Variants in GPM6A observed in about 807,000 individuals in gnomAD.
The protein encoded by GPM6A is neuronal membrane glycoprotein M6-a.
In GPM6A, 7 loss-of-function variants were observed where a neutral mutation model predicts 32.1. The ratio of observed to expected loss-of-function variants is 0.22; its 90% CI spans 0.12 to 0.41. GPM6A has a LOEUF of 0.41. Among genes scored for constraint, GPM6A ranks in the 10% least tolerant of loss-of-function variants. The pLI is 1.00. For synonymous variants in GPM6A, 130 were observed against 123.4 expected (o/e 1.05, Z -0.35); for missense variants, 235 against 347.2 (o/e 0.68, Z 2.57).
intron 1 of GPM6A, among the ~76,000 whole-genome samples, chr4:175,850,511 G>T (rs1379217068): frequency 2.0e-5 from 3 of 152,056 alleles, no homozygotes; most frequent in African/African-American, 7.2e-5. Context: ...TTTTGGACTT[G>T]TTGGCTTTGA....
chr4:175,989,111 G>C (rs189362729), intron 1 of GPM6A, among the ~76,000 whole-genome samples: 6 of 151,940 alleles, frequency 3.9e-5, no homozygotes. Context: ...TCTGCACATA[G>C]CACCACATAT....
At chr4:175,774,855 C>T (rs1733329702) in intron 1 of GPM6A, among the ~76,000 whole-genome samples, 1 of 152,042 alleles carries the variant, frequency 6.6e-6, no homozygotes, top group South Asian at 2.1e-4. Flanking sequence ...TCTCTCAGTT[C>T]ATAATACTGA....
chr4:175,736,558 A>T (rs1731668947), intron 1 of GPM6A, among the ~76,000 whole-genome samples: 1 of 152,208 alleles, frequency 6.6e-6, no homozygotes, highest in Admixed American at 6.5e-5. Context: ...TCTCAATAAT[A>T]TTGGCTTTAC....
chr4:175,709,078 C>T (rs190469280), intron 1 of GPM6A, among the ~76,000 whole-genome samples: 9 of 152,062 alleles, frequency 5.9e-5, no homozygotes, highest in Admixed American at 3.3e-4. Context: ...TGTAAGCATA[C>T]GTAAACTTAA....
At chr4:175,953,084 CT>C (rs1331982047) in intron 1 of GPM6A, among the ~76,000 whole-genome samples, 2 of 150,772 alleles carry the variant, frequency 1.3e-5, no homozygotes, top group Non-Finnish European at 3.0e-5. Context: ...ATCCCCTTGC[CT>C]TAAAAGTTAA....
At chr4:176,002,353 G>A (rs774294303), upstream of GPM6A, 521 of 1,579,244 alleles carry the variant, frequency 3.3e-4, 8 homozygotes, top group South Asian at 5.9e-3. Context: ...AGAGGAGAGC[G>A]AGTGACCAGA....
intron 1 of GPM6A, among the ~76,000 whole-genome samples, chr4:175,964,476 G>A (rs1740272950): frequency 6.6e-6 from 1 of 152,158 alleles, no homozygotes; most frequent in African/African-American, 2.4e-5. Flanking sequence ...CCACAATTCT[G>A]GAAGTTCAAG....
intron 1 of GPM6A, among the ~76,000 whole-genome samples, chr4:175,829,688 C>CATATATGTATATATATTACAT (rs995335044): frequency 1.4e-5 from 2 of 144,914 alleles, no homozygotes; most frequent in African/African-American, 5.1e-5. Flanking sequence ...ATATATATTA[C>CATATATGTATATATATTACAT]ATATATGTAT....
At chr4:175,718,091 C>A (rs1162906303) in intron 1 of GPM6A, among the ~76,000 whole-genome samples, 1 of 152,024 alleles carries the variant, frequency 6.6e-6, no homozygotes, top group Non-Finnish European at 1.5e-5. Context: ...GCAAAAATGG[C>A]AATAGCTTAT....
intron 1 of GPM6A, among the ~76,000 whole-genome samples, chr4:175,773,305 A>G (rs1733262293): frequency 6.6e-6 from 1 of 152,198 alleles, no homozygotes. Flanking sequence ...CTCTATTCTT[A>G]TATACTCAAA....
intron 3 of GPM6A, among the ~76,000 whole-genome samples, chr4:175,656,696 A>T (rs1180338602): frequency 6.6e-6 from 1 of 152,098 alleles, no homozygotes; most frequent in Non-Finnish European, 1.5e-5. Context: ...TTTTCATCTG[A>T]ACTCCTATGA....
At chr4:175,759,653 G>A (rs1732664068) in intron 1 of GPM6A, among the ~76,000 whole-genome samples, 1 of 152,128 alleles carries the variant, frequency 6.6e-6, no homozygotes, top group South Asian at 2.1e-4. Flanking sequence ...GGTTATCCCA[G>A]AAATGAACAC....
At chr4:175,889,012 C>A (rs1737548349) in intron 1 of GPM6A, among the ~76,000 whole-genome samples, 1 of 152,064 alleles carries the variant, frequency 6.6e-6, no homozygotes, top group Non-Finnish European at 1.5e-5. Flanking sequence ...AAGAACTACA[C>A]TTAGGAATTA....
intron 1 of GPM6A, among the ~76,000 whole-genome samples, chr4:175,970,484 CAT>C (rs1283331958): frequency 6.6e-6 from 1 of 152,130 alleles, no homozygotes; most frequent in Admixed American, 6.5e-5. Context: ...TGTGTTATAA[CAT>C]ATGTATTTAC....
intron 1 of GPM6A, among the ~76,000 whole-genome samples, chr4:175,743,047 G>A (rs867783815): frequency 1.3e-5 from 2 of 151,824 alleles, no homozygotes; most frequent in Non-Finnish European, 2.9e-5. Flanking sequence ...AAGAACAAGA[G>A]CAGAAATAAA....
intron 1 of GPM6A, among the ~76,000 whole-genome samples, chr4:175,794,391 TC>T (rs985744179): frequency 1.3e-5 from 2 of 152,214 alleles, no homozygotes; most frequent in African/African-American, 4.8e-5. Context: ...TCATAGCCCT[TC>T]TTTGGATCTT....
Position 175,874,697 on chromosome 4 carries a change from G to A in GPM6A, c.-22-62448C>T, listed in dbSNP as rs572067527. Among the ~76,000 whole-genome samples the A allele has an allele frequency of 1.2e-4, 18 of 152,194 alleles. No homozygotes were observed. In the South Asian group the frequency reaches 2.3e-3, roughly 19 times the overall value. On this transcript the variant is annotated intron_variant, in intron 1 of 7. Transcript: ENST00000280187. ...AGGCTGTAATAATGAGACTGAAGAC[G>A]AGAAAGGAAGTGTATGAGATATAGA...
intron 4 of GPM6A, among the ~76,000 whole-genome samples, chr4:175,647,036 C>G (rs932505882): frequency 2.6e-5 from 4 of 152,212 alleles, no homozygotes; most frequent in African/African-American, 9.6e-5. Flanking sequence ...GATCGAATCC[C>G]TGCTTTCAGC....
At chr4:175,960,694 T>C (rs1740137064) in intron 1 of GPM6A, 1 of 152,206 alleles carries the variant, frequency 6.6e-6, no homozygotes, top group South Asian at 2.1e-4. Context: ...TAAGCTATCA[T>C]AATATAATTA....
Sources: allele counts gnomAD v4.1 joint callset (sites outside exome capture counted in the v4.1 genomes callset), GRCh38; gene constraint gnomAD v4.1.1; transcripts MANE v1.5; gene names NCBI Gene and HGNC (gene_info 2026-07-23, HGNC 2026-07-21).